CACNA1E: variants seen among roughly 807,000 people sequenced by gnomAD.
CACNA1E encodes the protein voltage-dependent R-type calcium channel subunit alpha-1E.
In CACNA1E, 40 loss-of-function variants were observed where a neutral mutation model predicts 259.2. The observed-to-expected ratio is 0.15, with a 90% CI of 0.12 to 0.20. CACNA1E has a LOEUF of 0.20. Among genes scored for constraint, CACNA1E ranks in the 10% least tolerant of loss-of-function variants. CACNA1E has a pLI of 1.00. For synonymous variants in CACNA1E, 1,104 were observed against 1,138.5 expected (o/e 0.97, Z 0.61); for missense variants, 1,874 against 3,040.1 (o/e 0.62, Z 9.02).
At chr1:181,750,632 TCAC>T in intron 26 of CACNA1E, 145 bp downstream of exon 26, 1 of 730,662 alleles carries the variant, frequency 1.4e-6, no homozygotes, top group African/African-American at 1.8e-5. Flanking sequence ...AAATTAGGAG[TCAC>T]CAAGCCTTCT....
intron 1 of CACNA1E, among the ~76,000 whole-genome samples, chr1:181,341,582 A>G (rs868371053): frequency 3.9e-5 from 6 of 152,156 alleles, no homozygotes; most frequent in African/African-American, 1.2e-4. Flanking sequence ...ACCAGCCTGC[A>G]AGGGGCACAC....
In CACNA1E at chr1:181,790,520, C is replaced by A; in HGVS notation, c.5862C>A (p.Pro1954=). Residue 1954 remains proline, a synonymous_variant, in exon 44 of 48, where the codon CCC becomes CCA. Transcript: ENST00000367573. ...TATTCCAGTTGGCTTGTATGGACCCCGCCGATGACGGACAGTTCCAAGAAC... is the reference window on the plus strand; with the variant it reads ...TATTCCAGTTGGCTTGTATGGACCCAGCCGATGACGGACAGTTCCAAGAAC... ...QDIFQLACMD[P]ADDGQFQERQ... The A allele has an allele frequency of 6.2e-7, 1 of 1,612,918 alleles. No individual in the cohort carries two copies. The highest frequency in any genetic ancestry group is 8.5e-7 in the Non-Finnish European group (1 of 1,178,922).
At position 181,645,324 on chromosome 1, in the gene CACNA1E, C is replaced by T. The variant is rs1004709306; in HGVS notation, c.952-6014C>T. ...CAGTGATATATATTTTGACAAAATCCGGGGTACCTTTATGACTTGCATTTC... is the reference window on the plus strand; with the variant it reads ...CAGTGATATATATTTTGACAAAATCTGGGGTACCTTTATGACTTGCATTTC... On this transcript the variant is annotated intron_variant, in intron 6 of 47. Coordinates refer to ENST00000367573, the MANE Select transcript of CACNA1E (RefSeq NM_001205293.3). Among the ~76,000 whole-genome samples the T allele has an allele frequency of 5.3e-5, 8 of 152,054 alleles. No homozygotes were observed. The East Asian group carries it at 9.6e-4, about 18-fold the overall frequency.
intron 3 of CACNA1E, among the ~76,000 whole-genome samples, chr1:181,548,449 T>C (rs1647764297): frequency 6.6e-6 from 1 of 152,186 alleles, no homozygotes; most frequent in African/African-American, 2.4e-5. Context: ...ATTAGTATCT[T>C]TATTGTTGCT....
chr1:181,615,320 G>T (rs1164603252), intron 6 of CACNA1E, among the ~76,000 whole-genome samples: 2 of 152,136 alleles, frequency 1.3e-5, no homozygotes, highest in East Asian at 3.9e-4. Flanking sequence ...CTCTGGAGTA[G>T]CTGGGATTAC....
chr1:181,389,333 T>C (rs1656086463), intron 1 of CACNA1E, among the ~76,000 whole-genome samples: 1 of 152,300 alleles, frequency 6.6e-6, no homozygotes, highest in African/African-American at 2.4e-5. Flanking sequence ...GTGTACAGCA[T>C]GAGAGCTGAA....
intron 2 of CACNA1E, among the ~76,000 whole-genome samples, chr1:181,448,092 A>G (rs1660909213): frequency 6.6e-6 from 1 of 152,248 alleles, no homozygotes; most frequent in Non-Finnish European, 1.5e-5. Flanking sequence ...TGCCATCTGC[A>G]GTCTTAGTTC....
intron 1 of CACNA1E, among the ~76,000 whole-genome samples, chr1:181,492,176 T>G (rs1337178339): frequency 2.6e-5 from 4 of 152,352 alleles, no homozygotes; most frequent in African/African-American, 9.6e-5. Context: ...TATCTGGCAT[T>G]TTGTTACATG....
chr1:181,714,937 T>C (rs892986370), intron 8 of CACNA1E, among the ~76,000 whole-genome samples: 8 of 151,946 alleles, frequency 5.3e-5, no homozygotes, highest in Admixed American at 3.3e-4. Context: ...CCATGGCCAC[T>C]GGCAAGAGAA....
intron 1 of CACNA1E, among the ~76,000 whole-genome samples, chr1:181,391,473 C>T (rs1242149410): frequency 6.6e-6 from 1 of 152,158 alleles, no homozygotes; most frequent in Non-Finnish European, 1.5e-5. Flanking sequence ...GCCCTGGAAC[C>T]TGGAACCTAC....
At chr1:181,435,064 A>G (rs1354755163) in intron 2 of CACNA1E, among the ~76,000 whole-genome samples, 1 of 152,230 alleles carries the variant, frequency 6.6e-6, no homozygotes, top group Non-Finnish European at 1.5e-5. Context: ...ACTGCATTTA[A>G]CACCATCTAA....
intron 2 of CACNA1E, among the ~76,000 whole-genome samples, chr1:181,477,034 C>G (rs1283247888): frequency 6.6e-6 from 1 of 152,132 alleles, no homozygotes; most frequent in Admixed American, 6.5e-5. Context: ...GTGACCTCAT[C>G]TTATGGGAAA....
At chr1:181,588,507 C>A (rs534216672) in intron 6 of CACNA1E, among the ~76,000 whole-genome samples, 22 of 152,178 alleles carry the variant, frequency 1.4e-4, no homozygotes, top group Non-Finnish European at 2.5e-4. Flanking sequence ...ATAGCAGTCT[C>A]CACCCTGAAG....
chr1:181,358,162 C>T (rs529576749), intron 1 of CACNA1E, among the ~76,000 whole-genome samples: 10 of 152,266 alleles, frequency 6.6e-5, no homozygotes, highest in Middle Eastern at 3.4e-3. Context: ...TAGCTCTCTA[C>T]GTGGAAGGGG....
chr1:181,700,894 G>A (rs1034515110), intron 7 of CACNA1E, among the ~76,000 whole-genome samples: 1 of 152,110 alleles, frequency 6.6e-6, no homozygotes, highest in African/African-American at 2.4e-5. Flanking sequence ...CTCTCCTCAG[G>A]AGCTCCCCCT....
At chr1:181,750,610 T>C in intron 26 of CACNA1E, 123 bp downstream of exon 26, 1 of 859,484 alleles carries the variant, frequency 1.2e-6, no homozygotes, top group Non-Finnish European at 1.9e-6. Flanking sequence ...TTTATTTATA[T>C]CCAAGGGATC....
At chr1:181,544,580 G>A (rs1203271789) in intron 3 of CACNA1E, among the ~76,000 whole-genome samples, 1 of 152,186 alleles carries the variant, frequency 6.6e-6, no homozygotes, top group Non-Finnish European at 1.5e-5. Context: ...AGGTGCCAGA[G>A]GCATACTACA....
intron 3 of CACNA1E, among the ~76,000 whole-genome samples, chr1:181,522,689 A>G (rs1306271315): frequency 6.6e-6 from 1 of 152,188 alleles, no homozygotes; most frequent in Non-Finnish European, 1.5e-5. Flanking sequence ...TGTGAGTTAC[A>G]TTCTACCCAC....
chr1:181,712,307 G>A (rs2102432268), intron 8 of CACNA1E, among the ~76,000 whole-genome samples: 1 of 152,336 alleles, frequency 6.6e-6, no homozygotes, highest in South Asian at 2.1e-4. Context: ...AGAGGAACAA[G>A]TGATTTCTTA....
Sources: allele counts gnomAD v4.1 joint callset (sites outside exome capture counted in the v4.1 genomes callset), GRCh38; gene constraint gnomAD v4.1.1; transcripts MANE v1.5; gene names NCBI Gene and HGNC (gene_info 2026-07-23, HGNC 2026-07-21).